SPATA6: variants seen among roughly 807,000 people sequenced by gnomAD.
The protein encoded by SPATA6 is spermatogenesis-associated protein 6.
SPATA6 carries 56 observed loss-of-function variants against 65.3 expected under a neutral mutation model. The observed-to-expected ratio is 0.86, with a 90% confidence interval of 0.69 to 1.07. SPATA6 has a LOEUF of 1.07. Ranked by LOEUF, SPATA6 falls within the 50% of genes least tolerant of loss-of-function variation. The pLI, the probability that SPATA6 is intolerant of heterozygous loss-of-function variation, is 0.00. For synonymous variants in SPATA6, 199 were observed against 213.2 expected (o/e 0.93, Z 0.58); for missense variants, 590 against 594.8 (o/e 0.99, Z 0.08).
At chr1:48,452,220 A>C (rs551297168) in intron 2 of SPATA6, among the ~76,000 whole-genome samples, 1 of 152,296 alleles carries the variant, frequency 6.6e-6, no homozygotes, top group Non-Finnish European at 1.5e-5. Context: ...AAAAAGAAGA[A>C]AAGAAAGACG....
intron 8 of SPATA6, among the ~76,000 whole-genome samples, chr1:48,386,382 A>T (rs369712031): frequency 6.6e-6 from 1 of 152,250 alleles, no homozygotes; most frequent in East Asian, 1.9e-4. Flanking sequence ...CTGACAGAAA[A>T]GAAAATAAGA....
At chr1:48,314,788 C>A (rs1228640267) in intron 11 of SPATA6, among the ~76,000 whole-genome samples, 1 of 152,014 alleles carries the variant, frequency 6.6e-6, no homozygotes, top group Non-Finnish European at 1.5e-5. Context: ...AATTGATAGA[C>A]CGCTAGCAAC....
At chr1:48,420,637 T>C (rs1019630490) in intron 3 of SPATA6, among the ~76,000 whole-genome samples, 1 of 152,102 alleles carries the variant, frequency 6.6e-6, no homozygotes, top group African/African-American at 2.4e-5. Context: ...GTGTTGATGA[T>C]TGTTGTGGTA....
rs571884046 is a variant in SPATA6, at chr1:48,352,668, A to C, written c.1194+3002T>G. ...ATATTGGGGAAGAAGCAATGTTTAAAGAAAGAATGGCTAAGAGTTTTCCAA... is the reference window on the plus strand; with the variant it reads ...ATATTGGGGAAGAAGCAATGTTTAACGAAAGAATGGCTAAGAGTTTTCCAA... On this transcript the variant is annotated intron_variant, in intron 11 of 12. Coordinates refer to ENST00000371847, the MANE Select transcript of SPATA6 (RefSeq NM_019073.4). Among the ~76,000 whole-genome samples, 5 of 152,154 alleles carry C rather than the reference A, an allele frequency of 3.3e-5. No homozygotes were observed. In the East Asian group the frequency reaches 9.7e-4, roughly 29 times the overall value.
At chr1:48,362,087 G>GT (rs1047013844) in intron 9 of SPATA6, among the ~76,000 whole-genome samples, 1 of 152,062 alleles carries the variant, frequency 6.6e-6, no homozygotes, top group Non-Finnish European at 1.5e-5. Context: ...GGTCAACAAT[G>GT]TAAGTGCATA....
intron 9 of SPATA6, 114 bp from the exon 10 acceptor site, chr1:48,359,884 A>C: frequency 1.3e-6 from 1 of 763,780 alleles, no homozygotes; most frequent in Non-Finnish European, 1.9e-6. Flanking sequence ...CACACACACT[A>C]ATTTTATAAA....
rs1268935159 is a variant in SPATA6 at position 48,399,604 on chromosome 1, T to C, written c.527A>G (p.His176Arg). The change falls in exon 7 of 13, where the codon CAT becomes CGT. Residue 176 changes from histidine (H) to arginine (R), a missense_variant. Physicochemically the swap from His to Arg is conservative, Grantham distance 29. Transcript: ENST00000371847. ...IYHLAPVEKS[H>R]GRLQNRTSRS... ...TGATGTTCTGTTTTGCAGTCTGCCA[T>C]GTGATTTTTCAACTGGAGCCAAATG... 1.1e-5 allele frequency: 18 copies of C among 1,605,964 alleles called. No individual in the cohort carries two copies. The highest frequency in any genetic ancestry group is 9.4e-5 in the African/African-American group (7 of 74,492).
At chr1:48,353,772 T>A (rs749034326) in intron 11 of SPATA6, among the ~76,000 whole-genome samples, 1 of 151,740 alleles carries the variant, frequency 6.6e-6, no homozygotes, top group East Asian at 1.9e-4. Flanking sequence ...GGAAAAAAAA[T>A]AATTCCAAAT....
intron 3 of SPATA6, among the ~76,000 whole-genome samples, chr1:48,438,561 C>A (rs866527720): frequency 2.6e-5 from 4 of 152,150 alleles, no homozygotes; most frequent in Admixed American, 6.5e-5. Context: ...AGACATTCAG[C>A]TCCAGGGTCC....
chr1:48,453,188 T>C (rs983004272), intron 1 of SPATA6, 57 bp from the exon 2 acceptor site: 4 of 1,522,800 alleles, frequency 2.6e-6, no homozygotes, highest in Non-Finnish European at 2.6e-6. Context: ...TGAACTATCC[T>C]ACTAAAATAA....
chr1:48,336,995 TA>T (rs1646078525), intron 11 of SPATA6, among the ~76,000 whole-genome samples: 1 of 151,900 alleles, frequency 6.6e-6, no homozygotes, highest in Non-Finnish European at 1.5e-5. Context: ...AAGAAGGAAA[TA>T]ATTTTGCATA....
intron 11 of SPATA6, among the ~76,000 whole-genome samples, chr1:48,312,368 G>A (rs1645244677): frequency 6.6e-6 from 1 of 152,144 alleles, no homozygotes; most frequent in African/African-American, 2.4e-5. Context: ...GAAAGATCAG[G>A]CAGCAACATT....
intron 9 of SPATA6, among the ~76,000 whole-genome samples, chr1:48,380,736 G>A (rs928300745): frequency 1.3e-5 from 2 of 152,114 alleles, no homozygotes; most frequent in Non-Finnish European, 2.9e-5. Flanking sequence ...TTTGTGTGTA[G>A]AACAAATACC....
At chr1:48,335,878 C>T (rs762823782) in intron 11 of SPATA6, among the ~76,000 whole-genome samples, 24 of 151,864 alleles carry the variant, frequency 1.6e-4, no homozygotes, top group Admixed American at 2.6e-4. Context: ...TATCTGTAAA[C>T]GATACATATG....
chr1:48,270,124 A>C, the SPATA6 span, among the ~76,000 whole-genome samples: 1 of 152,104 alleles, frequency 6.6e-6, no homozygotes, highest in African/African-American at 2.4e-5. Flanking sequence ...TACTCAGCTA[A>C]AGAGGTGACT....
At chr1:48,388,711 A>ACT (rs1381968210) in intron 8 of SPATA6, among the ~76,000 whole-genome samples, 3 of 142,592 alleles carry the variant, frequency 2.1e-5, no homozygotes. Flanking sequence ...AATACATTTG[A>ACT]TTTTTTTTTT....
chr1:48,351,597 A>T (rs1463357952), intron 11 of SPATA6, among the ~76,000 whole-genome samples: 2 of 152,064 alleles, frequency 1.3e-5, no homozygotes, highest in African/African-American at 4.8e-5. Context: ...ATTTACTAGG[A>T]TAAATTTATA....
At chr1:48,273,941 T>C in the SPATA6 span, among the ~76,000 whole-genome samples, 1 of 152,222 alleles carries the variant, frequency 6.6e-6, no homozygotes, top group Non-Finnish European at 1.5e-5. Context: ...ATGGTTGAAC[T>C]AATTTACACT....
chr1:48,469,714 T>C (rs1658087387), intron 1 of SPATA6, among the ~76,000 whole-genome samples: 1 of 151,892 alleles, frequency 6.6e-6, no homozygotes, highest in African/African-American at 2.4e-5. Flanking sequence ...GTTAAAAATA[T>C]CTAGGGTCAT....
Sources: gnomAD v4.1 joint callset for allele counts (sites outside exome capture counted in the v4.1 genomes callset) on GRCh38, gnomAD v4.1.1 for gene constraint, MANE v1.5 for transcripts, NCBI Gene and HGNC (gene_info 2026-07-23, HGNC 2026-07-21) for gene names.